Variants in GARIN5B observed in about 807,000 individuals in gnomAD.
GARIN5B encodes Golgi-associated RAB2 interactor protein 5B.
At chr19:55,359,582 G>A in the GARIN5B span, 6 of 1,551,170 alleles carry the variant, frequency 3.9e-6, no homozygotes, top group East Asian at 2.4e-5. Context: ...GGGTTTCCAC[G>A]ATGAAGCAGG....
chr19:55,358,978 C>T, the GARIN5B span: 1 of 1,551,296 alleles, frequency 6.4e-7, no homozygotes, highest in Non-Finnish European at 8.7e-7. Context: ...CCAGGGTCAC[C>T]TCCTTGGTTT....
chr19:55,357,642 T>C, the GARIN5B span, among the ~76,000 whole-genome samples: 2 of 152,228 alleles, frequency 1.3e-5, no homozygotes, highest in Admixed American at 6.5e-5. Context: ...GCAGCATCCC[T>C]GGTCTCTACC....
the GARIN5B span, chr19:55,362,924 A>C: frequency 1.1e-5 from 17 of 1,502,088 alleles, no homozygotes; most frequent in Non-Finnish European, 1.5e-5. Context: ...GACCTGAACA[A>C]AGTTACTCTC....
chr19:55,363,055 A>G, the GARIN5B span: 5 of 1,497,026 alleles, frequency 3.3e-6, no homozygotes, highest in African/African-American at 7.2e-5. The surrounding 1 kb of genome is among the most constrained non-coding windows in gnomAD (Gnocchi z 4.0). Context: ...TCCTGTTTCG[A>G]AGCCAGATCA....
chr19:55,361,590 A>G, the GARIN5B span, among the ~76,000 whole-genome samples: 2 of 141,204 alleles, frequency 1.4e-5, no homozygotes, highest in African/African-American at 5.2e-5. Context: ...CTCCTCCGTC[A>G]GACCCAGGAG....
At chr19:55,359,448 C>T in the GARIN5B span, 195 of 1,545,288 alleles carry the variant, frequency 1.3e-4, no homozygotes, top group Non-Finnish European at 1.6e-4. Flanking sequence ...GCAGGTATGG[C>T]TGGGGCCTTC....
chr19:55,359,305 G>C, the GARIN5B span: 2 of 1,551,018 alleles, frequency 1.3e-6, no homozygotes, highest in Non-Finnish European at 1.7e-6. Flanking sequence ...GAGCAGTGGG[G>C]GACACAGCCT....
the GARIN5B span, chr19:55,358,736 G>C: frequency 0.99 from 1,526,802 of 1,549,496 alleles, 752,862 homozygotes; most frequent in Non-Finnish European, 1. Flanking sequence ...GGATTTCGAG[G>C]GCTGCTCTTT....
chr19:55,358,705 G>A, the GARIN5B span: 1 of 1,550,874 alleles, frequency 6.4e-7, no homozygotes, highest in Non-Finnish European at 8.7e-7. Context: ...CCAAGAGCCA[G>A]GAGGGAAGTG....
the GARIN5B span, chr19:55,358,453 G>C: frequency 5.9e-6 from 9 of 1,525,466 alleles, no homozygotes; most frequent in African/African-American, 1.2e-4. Context: ...TCTTCAGACT[G>C]GCAGAGGTGG....
chr19:55,360,547 C>A, the GARIN5B span: 2 of 907,958 alleles, frequency 2.2e-6, no homozygotes, highest in South Asian at 1.9e-5. Flanking sequence ...TCCCTCAGAC[C>A]CAGGAGTCCA....
chr19:55,361,075 G>A, the GARIN5B span: 3 of 1,551,162 alleles, frequency 1.9e-6, no homozygotes, highest in Non-Finnish European at 2.6e-6. Flanking sequence ...GTCGCCCACG[G>A]CCTGAGACTT....
chr19:55,362,085 T>G, the GARIN5B span, among the ~76,000 whole-genome samples: 9 of 141,362 alleles, frequency 6.4e-5, no homozygotes, highest in Non-Finnish European at 1.2e-4. Context: ...CAGCATCTCC[T>G]CCCTCGACTC....
chr19:55,360,598 C>T, the GARIN5B span: 1 of 1,438,240 alleles, frequency 7.0e-7, no homozygotes, highest in Non-Finnish European at 9.3e-7. Flanking sequence ...GAGTCCAGGT[C>T]CCAGCCTCTC....
chr19:55,356,404 G>A, the GARIN5B span, among the ~76,000 whole-genome samples: 9 of 149,832 alleles, frequency 6.0e-5, no homozygotes, highest in Non-Finnish European at 1.0e-4. Flanking sequence ...ACGGAGTCTC[G>A]CTCTGTTGCC....
At chr19:55,359,730 T>C in the GARIN5B span, 2 of 1,551,110 alleles carry the variant, frequency 1.3e-6, no homozygotes, top group Non-Finnish European at 1.7e-6. Context: ...TCCCTGCCCC[T>C]GGGGATGGAA....
chr19:55,361,497 A>G, the GARIN5B span: 4 of 1,433,226 alleles, frequency 2.8e-6, no homozygotes, highest in East Asian at 2.5e-5. Flanking sequence ...CTACCCAGCG[A>G]GAGGCCTAGG....
At chr19:55,358,377 G>T in the GARIN5B span, 1 of 1,512,066 alleles carries the variant, frequency 6.6e-7, no homozygotes, top group South Asian at 1.3e-5. Flanking sequence ...TCCGAGAGGG[G>T]CGATGGCCGT....
chr19:55,356,852 A>G, the GARIN5B span, among the ~76,000 whole-genome samples: 1 of 151,468 alleles, frequency 6.6e-6, no homozygotes, highest in African/African-American at 2.4e-5. Flanking sequence ...GGAGTTCGAG[A>G]CCAGCCTGGC....
Sources: gnomAD v4.1 joint callset for allele counts (sites outside exome capture counted in the v4.1 genomes callset) on GRCh38, gnomAD v4.1.1 for gene constraint, Gnocchi (gnomAD v3.1) non-coding constraint, MANE v1.5 for transcripts, NCBI Gene and HGNC (gene_info 2026-07-23, HGNC 2026-07-21) for gene names.